The following EIPR1 variants were observed in gnomAD, a reference collection of about 807,000 sequenced individuals.
EIPR1 encodes EARP and GARP complex-interacting protein 1.
A neutral mutation model predicts 48.1 loss-of-function variants in EIPR1; 25 were observed. The ratio of observed to expected loss-of-function variants is 0.52; its 90% CI spans 0.38 to 0.73. The LOEUF is 0.73. Ranked by LOEUF, EIPR1 falls within the 30% of genes least tolerant of loss-of-function variation. The pLI is 0.00. For synonymous variants in EIPR1, 204 were observed against 201.9 expected (o/e 1.01, Z -0.09); for missense variants, 415 against 506.2 (o/e 0.82, Z 1.73).
At chr2:3,195,000 CATGT>C (rs1038072151) in intron 6 of EIPR1, among the ~76,000 whole-genome samples, 5 of 152,368 alleles carry the variant, frequency 3.3e-5, no homozygotes, top group East Asian at 1.9e-4. Flanking sequence ...CACGCCCACA[CATGT>C]ATGTACACAC....
At chr2:3,277,211 C>T (rs1572387557) in intron 3 of EIPR1, among the ~76,000 whole-genome samples, 1 of 150,838 alleles carries the variant, frequency 6.6e-6, no homozygotes, top group African/African-American at 2.5e-5. Context: ...TCTCCACCCA[C>T]ACGGCCCCGC....
intron 3 of EIPR1, among the ~76,000 whole-genome samples, chr2:3,276,742 A>C (rs529761782): frequency 6.6e-6 from 1 of 152,372 alleles, no homozygotes; most frequent in South Asian, 2.1e-4. Context: ...GATGTAATTT[A>C]CCAGCGGATG....
chr2:3,336,115 AAGGGTGAAGGGG>A (rs889909789), intron 3 of EIPR1, among the ~76,000 whole-genome samples: 2 of 152,164 alleles, frequency 1.3e-5, no homozygotes, highest in African/African-American at 4.8e-5. Flanking sequence ...GAAGAGAGTG[AAGGGTGAAGGGG>A]AGGGTGAAGG....
At chr2:3,268,707 A>C (rs1457957363) in intron 3 of EIPR1, among the ~76,000 whole-genome samples, 1 of 152,196 alleles carries the variant, frequency 6.6e-6, no homozygotes, top group Middle Eastern at 3.2e-3. Context: ...GTTGACCAGG[A>C]AGCTTTGGGC....
At chr2:3,336,979 G>A (rs115237138) in intron 3 of EIPR1, among the ~76,000 whole-genome samples, 12,017 of 100,020 alleles carry the variant, frequency 0.12, 2,140 homozygotes, top group Non-Finnish European at 0.15. Flanking sequence ...AGGGAAAAGG[G>A]AAGGGAAAGG....
In EIPR1 at chr2:3,377,681, G is replaced by A; in HGVS notation, c.9C>T (p.Asp3=). Residue 3 remains aspartate (D), a synonymous_variant, in exon 1 of 9, where the codon GAC becomes GAT. Coordinates refer to ENST00000382125, the MANE Select transcript of EIPR1 (RefSeq NM_003310.5). ME[D]DAPVIYGLEF... ...CCAGCCCGTAGATCACTGGTGCATC[G>A]TCCTCCATGCTGCGGGGAAGCGACC... The A allele has an allele frequency of 6.3e-7, 1 of 1,581,074 alleles. No individual in the cohort carries two copies. Among genetic ancestry groups the A allele is most frequent in the Non-Finnish European group, 8.6e-7 (1 of 1,163,168 alleles).
At chr2:3,199,809 G>T (rs1572282876) in intron 5 of EIPR1, among the ~76,000 whole-genome samples, 1 of 125,110 alleles carries the variant, frequency 8.0e-6, no homozygotes, top group South Asian at 2.7e-4. Flanking sequence ...ACGCATGGGG[G>T]GGTGTCCACA....
At chr2:3,211,574 C>A (rs1430883409) in intron 5 of EIPR1, among the ~76,000 whole-genome samples, 1 of 152,206 alleles carries the variant, frequency 6.6e-6, no homozygotes, top group African/African-American at 2.4e-5. Flanking sequence ...TTTATCTGAT[C>A]CTCCTGTGGT....
intron 2 of EIPR1, among the ~76,000 whole-genome samples, chr2:3,343,559 A>G (rs1670314125): frequency 6.6e-6 from 1 of 152,226 alleles, no homozygotes; most frequent in Admixed American, 6.5e-5. Context: ...GATCAAACTC[A>G]TGTATTTTGA....
At chr2:3,265,739 C>T (rs370116082) in intron 3 of EIPR1, among the ~76,000 whole-genome samples, 1 of 152,340 alleles carries the variant, frequency 6.6e-6, no homozygotes, top group East Asian at 1.9e-4. Context: ...AGTCAGAGAA[C>T]CACACGATAC....
At chr2:3,364,641 A>C (rs1468766303) in intron 1 of EIPR1, among the ~76,000 whole-genome samples, 1 of 151,962 alleles carries the variant, frequency 6.6e-6, no homozygotes. Flanking sequence ...CCTGTCTCAA[A>C]AAAAAAAGAA....
At position 3,312,132 on chromosome 2, in the gene EIPR1, C is replaced by A. The variant is rs35106857; in HGVS notation, c.259+25885G>T. On this transcript the variant is annotated intron_variant, in intron 3 of 8. Transcript: ENST00000382125. This position sits in a 1 kb window ranked among gnomAD's most constrained non-coding sequence, Gnocchi z 5.5. ...AACTGAAGTGCCTGAAGATGAGTCT[C>A]GGGACGCTCCCAAATTTCCTCAAGT... Among the ~76,000 whole-genome samples the A allele has an allele frequency of 0.3, 44,878 of 152,002 alleles. 9,191 individuals are homozygous for A. The highest frequency in any genetic ancestry group is 0.64 in the East Asian group (3,285 of 5,138).
chr2:3,194,106 G>A lies in EIPR1; in HGVS notation c.714C>T (p.Pro238=). 2 of 1,613,932 alleles carry A rather than the reference G, an allele frequency of 1.2e-6. No individual in the cohort carries two copies. Among genetic ancestry groups the A allele is most frequent in the Non-Finnish European group, 1.7e-6 (2 of 1,180,012 alleles). Residue 238 remains proline, a synonymous_variant, in exon 7 of 9, where the codon CCC becomes CCT. Transcript: ENST00000382125. ...AGCTGGCCAAGTAGTACTGCTTATT[G>A]GGATTAAAGTCAAGGTCCCGCACCA... is the stretch of plus-strand genomic sequence containing the variant. ...GQLVRDLDFN[P]NKQYYLASCG... is the part of the protein sequence containing the mutation.
At chr2:3,191,963 T>C (rs1175743583) in intron 8 of EIPR1, among the ~76,000 whole-genome samples, 1 of 152,198 alleles carries the variant, frequency 6.6e-6, no homozygotes, top group African/African-American at 2.4e-5. Context: ...GTCTCCGCCC[T>C]GCTACCAGCC....
intron 3 of EIPR1, among the ~76,000 whole-genome samples, chr2:3,307,050 C>CCTCCTGGGTTCAAGTGATT (rs887509793): frequency 4.6e-5 from 7 of 151,932 alleles, no homozygotes; most frequent in Admixed American, 3.9e-4. Context: ...GCAACCTCCC[C>CCTCCTGGGTTCAAGTGATT]CTCCTGGGTT....
chr2:3,232,123 A>G (rs899709973), intron 4 of EIPR1, among the ~76,000 whole-genome samples: 1 of 152,212 alleles, frequency 6.6e-6, no homozygotes, highest in Non-Finnish European at 1.5e-5. Flanking sequence ...AATTGTTCAC[A>G]GTAGTCTCTT....
At chr2:3,374,675 A>G (rs1244326675) in intron 1 of EIPR1, among the ~76,000 whole-genome samples, 34 of 150,090 alleles carry the variant, frequency 2.3e-4, no homozygotes, top group Admixed American at 9.9e-4. Context: ...CAAAACCACA[A>G]TGAGATACCA....
chr2:3,289,213 G>T (rs980440027), intron 3 of EIPR1, among the ~76,000 whole-genome samples: 1 of 152,136 alleles, frequency 6.6e-6, no homozygotes. Context: ...CTCAGGGCTC[G>T]CTCTTCCTGT....
chr2:3,264,161 G>T (rs868677292), intron 3 of EIPR1, among the ~76,000 whole-genome samples: 1 of 151,918 alleles, frequency 6.6e-6, no homozygotes, highest in African/African-American at 2.4e-5. Context: ...CCGCCCTCCC[G>T]CCAGCCTCTG....
Sources: gnomAD v4.1 joint callset for allele counts (sites outside exome capture counted in the v4.1 genomes callset) on GRCh38, gnomAD v4.1.1 for gene constraint, Gnocchi (gnomAD v3.1) non-coding constraint, MANE v1.5 for transcripts, NCBI Gene and HGNC (gene_info 2026-07-23, HGNC 2026-07-21) for gene names.